Variants in MEI4 observed in about 807,000 individuals in gnomAD.
MEI4 encodes meiosis-specific protein MEI4.
MEI4 carries 27 observed loss-of-function variants against 31.4 expected under a neutral mutation model. The observed-to-expected ratio is 0.86, with a 90% CI of 0.63 to 1.19. MEI4 has a LOEUF of 1.19. MEI4 is among the 50% of genes most tolerant of loss of function. The pLI is 0.00. For synonymous variants in MEI4, 122 were observed against 145.4 expected (o/e 0.84, Z 1.16); for missense variants, 329 against 398.9 (o/e 0.82, Z 1.49).
At chr6:77,673,303 T>C (rs1245962097) in intron 1 of MEI4, among the ~76,000 whole-genome samples, 1 of 152,232 alleles carries the variant, frequency 6.6e-6, no homozygotes, top group Non-Finnish European at 1.5e-5. Context: ...AATTCTTAAG[T>C]GCTTACTGTG....
intron 1 of MEI4, among the ~76,000 whole-genome samples, chr6:77,656,042 C>G (rs1031859399): frequency 3.9e-5 from 6 of 152,006 alleles, no homozygotes; most frequent in African/African-American, 1.4e-4. Flanking sequence ...CTCTTTAATT[C>G]TTCCTTCTGA....
At chr6:77,711,868 C>G (rs547987169) in intron 2 of MEI4, among the ~76,000 whole-genome samples, 1 of 152,094 alleles carries the variant, frequency 6.6e-6, no homozygotes, top group Non-Finnish European at 1.5e-5. Flanking sequence ...TCATATGTGG[C>G]TTACTGAACA....
chr6:77,920,593 A>G (rs1280594908), intron 4 of MEI4, among the ~76,000 whole-genome samples: 1 of 151,906 alleles, frequency 6.6e-6, no homozygotes, highest in Admixed American at 6.6e-5. Flanking sequence ...AGAATGGTGA[A>G]TCCCTTCCGG....
chr6:77,831,369 C>T (rs1052285283), intron 4 of MEI4, among the ~76,000 whole-genome samples: 1 of 151,732 alleles, frequency 6.6e-6, no homozygotes, highest in Non-Finnish European at 1.5e-5. Flanking sequence ...AAAAATAGAA[C>T]TACCATATGA....
At chr6:77,825,076 A>G (rs1173844822) in intron 3 of MEI4, among the ~76,000 whole-genome samples, 2 of 152,066 alleles carry the variant, frequency 1.3e-5, no homozygotes, top group Non-Finnish European at 2.9e-5. Flanking sequence ...TTTTTTCATT[A>G]TATTCTTATA....
intron 2 of MEI4, among the ~76,000 whole-genome samples, chr6:77,705,689 G>T (rs772190777): frequency 6.6e-6 from 1 of 152,034 alleles, no homozygotes; most frequent in Non-Finnish European, 1.5e-5. Flanking sequence ...GGGTGGTAGC[G>T]CCCACCCATC....
chr6:77,782,558 T>C (rs1768619995), intron 3 of MEI4, among the ~76,000 whole-genome samples: 1 of 152,158 alleles, frequency 6.6e-6, no homozygotes, highest in African/African-American at 2.4e-5. Context: ...CCAGATGACA[T>C]TGAGCCTTTT....
At chr6:77,738,065 C>G (rs1767299964) in intron 2 of MEI4, among the ~76,000 whole-genome samples, 1 of 152,078 alleles carries the variant, frequency 6.6e-6, no homozygotes. Context: ...ATGGGGACAT[C>G]CACGAAACTG....
At chr6:77,848,939 A>G (rs1005391539) in intron 4 of MEI4, among the ~76,000 whole-genome samples, 4 of 152,140 alleles carry the variant, frequency 2.6e-5, no homozygotes, top group African/African-American at 9.7e-5. Context: ...GGTAAGCCAC[A>G]GGGATACTTA....
rs546517226 is a variant in MEI4 at position 77,911,733 on chromosome 6, A to T, written c.901-11356A>T. On this transcript the variant is annotated intron_variant, in intron 4 of 4. Transcript: ENST00000684080. ...ATACATATATTTTATTTATATATATAATATATATATATATAAATACATCTT... is the reference window on the plus strand; with the variant it reads ...ATACATATATTTTATTTATATATATTATATATATATATATAAATACATCTT... 1.1e-3 allele frequency among the ~76,000 whole-genome samples: 168 copies of T among 147,058 alleles called. 1 individual carries two copies. Among genetic ancestry groups the T allele is most frequent in the African/African-American group, 3.1e-3 (125 of 40,546 alleles).
At chr6:77,662,256 C>T (rs1021380007) in intron 1 of MEI4, among the ~76,000 whole-genome samples, 2 of 152,132 alleles carry the variant, frequency 1.3e-5, no homozygotes, top group African/African-American at 4.8e-5. Context: ...ACAGCATAGC[C>T]TGCCTTTGCT....
At chr6:77,669,367 C>T (rs2127645093) in intron 1 of MEI4, among the ~76,000 whole-genome samples, 1 of 152,146 alleles carries the variant, frequency 6.6e-6, no homozygotes. Context: ...TATGATTTTT[C>T]TTTCATAAGT....
Position 77,849,047 on chromosome 6 carries a change from G to C in MEI4, c.900+19985G>C, listed in dbSNP as rs183196430. On this transcript the variant is annotated intron_variant, in intron 4 of 4. Transcript: ENST00000684080. ...AACACACATATAATATAATTGCTGG[G>C]TTTTTTTAATGGCATCATTAGCATT... Among the ~76,000 whole-genome samples the C allele has an allele frequency of 5.3e-3, 804 of 151,786 alleles. 9 individuals carry two copies. The highest frequency in any genetic ancestry group is 8.5e-3 in the Non-Finnish European group (580 of 67,942).
intron 1 of MEI4, among the ~76,000 whole-genome samples, chr6:77,683,518 A>G (rs1316252137): frequency 4.6e-5 from 7 of 152,098 alleles, no homozygotes; most frequent in Non-Finnish European, 8.8e-5. Flanking sequence ...CATCTTGTCT[A>G]AGTGAAACTT....
At chr6:77,804,323 A>G (rs981696579) in intron 3 of MEI4, among the ~76,000 whole-genome samples, 1 of 152,058 alleles carries the variant, frequency 6.6e-6, no homozygotes, top group African/African-American at 2.4e-5. Flanking sequence ...TTAGGGTGGG[A>G]GTGACCCGAT....
intron 3 of MEI4, among the ~76,000 whole-genome samples, chr6:77,815,702 G>T (rs752458513): frequency 1.3e-5 from 2 of 152,124 alleles, no homozygotes; most frequent in Non-Finnish European, 2.9e-5. Flanking sequence ...GTGCTGGAAT[G>T]TTAGGGTCAC....
intron 3 of MEI4, among the ~76,000 whole-genome samples, chr6:77,789,916 A>G (rs1768867770): frequency 6.6e-6 from 1 of 152,142 alleles, no homozygotes; most frequent in Non-Finnish European, 1.5e-5. Flanking sequence ...TATATACCCA[A>G]AGGACTATAA....
At chr6:77,722,502 C>T (rs1766733516) in intron 2 of MEI4, among the ~76,000 whole-genome samples, 1 of 151,716 alleles carries the variant, frequency 6.6e-6, no homozygotes, top group Non-Finnish European at 1.5e-5. Flanking sequence ...TTATTTTAGC[C>T]TCAAATGGAA....
intron 2 of MEI4, among the ~76,000 whole-genome samples, chr6:77,749,117 C>T (rs1236998661): frequency 6.6e-6 from 1 of 152,152 alleles, no homozygotes; most frequent in Non-Finnish European, 1.5e-5. Context: ...AGCAGAAGGT[C>T]AGTGACTTCA....
Sources: allele counts gnomAD v4.1 joint callset (sites outside exome capture counted in the v4.1 genomes callset), GRCh38; gene constraint gnomAD v4.1.1; transcripts MANE v1.5; gene names NCBI Gene and HGNC (gene_info 2026-07-23, HGNC 2026-07-21).